Variants in NEGR1 observed in about 807,000 individuals in gnomAD.
NEGR1 encodes IgLON family member 4.
Under a neutral mutation model 40.9 loss-of-function variants are expected in NEGR1, and 10 were observed. The observed-to-expected ratio is 0.24, with a 90% CI of 0.15 to 0.42. The LOEUF (loss-of-function observed/expected upper bound fraction) is 0.42, where lower values mean the gene tolerates loss of function less well. Among genes scored for constraint, NEGR1 ranks in the 10% least tolerant of loss-of-function variants. The probability of loss-of-function intolerance (pLI) is 1.00; values close to 1 mark genes in which losing one functional copy is unlikely to be tolerated. For missense variants in NEGR1, 352 were observed against 438.9 expected (o/e 0.80, Z 1.77); for synonymous variants, 185 against 166.8 (o/e 1.11, Z -0.84).
intron 1 of NEGR1, chr1:72,275,224 C>A (rs1656001327): frequency 1.5e-5 from 9 of 591,312 alleles, no homozygotes; most frequent in South Asian, 1.1e-4. Flanking sequence ...CAAAAAATTT[C>A]TATTATTTAT....
chr1:71,402,874 G>A lies in NEGR1; in HGVS notation c.*4572C>T, dbSNP rs1043536822. ...TCCATGTCTGATACTTGATGTTTCT[G>A]TTTCTGTGATGTAATTTATGCAAGA... On this transcript the variant is annotated 3_prime_UTR_variant, in exon 7 of 7. Transcript: ENST00000357731. 1 of 152,008 alleles carries A rather than the reference G, an allele frequency of 6.6e-6. No individual in the cohort carries two copies. The highest frequency in any genetic ancestry group is 2.4e-5 in the African/African-American group (1 of 41,412). 9.4% of individuals were successfully genotyped at this position (152,008 alleles called of 1,614,324 possible).
At chr1:72,131,367 C>T (rs1650242814) in intron 1 of NEGR1, among the ~76,000 whole-genome samples, 2 of 152,038 alleles carry the variant, frequency 1.3e-5, no homozygotes, top group Non-Finnish European at 1.5e-5. Flanking sequence ...GATATGCACA[C>T]ATACATCAAG....
intron 1 of NEGR1, among the ~76,000 whole-genome samples, chr1:72,271,386 T>C (rs1172168111): frequency 6.6e-6 from 1 of 151,852 alleles, no homozygotes; most frequent in African/African-American, 2.4e-5. Flanking sequence ...TGCTTCCTTA[T>C]AATGCTGAGG....
At chr1:71,469,726 A>G (rs552926799) in intron 6 of NEGR1, among the ~76,000 whole-genome samples, 5 of 152,238 alleles carry the variant, frequency 3.3e-5, no homozygotes, top group African/African-American at 1.2e-4. Flanking sequence ...AGAAGGGTAT[A>G]TCTGGTGAAA....
chr1:71,736,447 T>C (rs1277917441), intron 3 of NEGR1, among the ~76,000 whole-genome samples: 1 of 152,170 alleles, frequency 6.6e-6, no homozygotes, highest in Non-Finnish European at 1.5e-5. Context: ...CCATTTAAAA[T>C]GTATTTTTTC....
intron 3 of NEGR1, 64 bp from the exon 4 acceptor site, chr1:71,698,203 A>G: frequency 7.0e-7 from 1 of 1,437,900 alleles, no homozygotes; most frequent in Non-Finnish European, 9.6e-7. Context: ...GTAAAACAAC[A>G]ATTTCATGAC....
chr1:72,266,791 A>G (rs1266353967), intron 1 of NEGR1, among the ~76,000 whole-genome samples: 1 of 149,096 alleles, frequency 6.7e-6, no homozygotes, highest in Non-Finnish European at 1.5e-5. Flanking sequence ...AAAAAACACC[A>G]TTGAGCTAAA....
intron 6 of NEGR1, among the ~76,000 whole-genome samples, chr1:71,548,359 C>T (rs1647968919): frequency 6.6e-6 from 1 of 151,646 alleles, no homozygotes; most frequent in African/African-American, 2.4e-5. Context: ...TACCTTCACA[C>T]TAAGTGAGGC....
At chr1:71,978,833 C>A (rs1256430060) in intron 1 of NEGR1, among the ~76,000 whole-genome samples, 1 of 151,920 alleles carries the variant, frequency 6.6e-6, no homozygotes, top group African/African-American at 2.4e-5. Flanking sequence ...TGCCATTCAA[C>A]CCACCAATCC....
intron 2 of NEGR1, among the ~76,000 whole-genome samples, chr1:71,905,079 C>G (rs561794775): frequency 7.0e-4 from 106 of 152,170 alleles, no homozygotes; most frequent in African/African-American, 2.4e-3. Flanking sequence ...TTTTCCCCCT[C>G]AATATGTAGC....
At chr1:71,718,914 C>T (rs1276611599) in intron 3 of NEGR1, among the ~76,000 whole-genome samples, 2 of 152,076 alleles carry the variant, frequency 1.3e-5, no homozygotes, top group Non-Finnish European at 2.9e-5. Context: ...ATCCTTCTTA[C>T]AAAACTTCAG....
Position 72,276,752 on chromosome 1 carries a change from T to A in NEGR1, c.176+5567A>T, listed in dbSNP as rs543085395. On this transcript the variant is annotated intron_variant, in intron 1 of 6. Transcript: ENST00000357731. Reference sequence around the variant, plus strand: ...GGCAAAGCAGTCACTCAATCAAATATAATTAAATCACAAAAACTACCACTT... The same window carrying A: ...GGCAAAGCAGTCACTCAATCAAATAAAATTAAATCACAAAAACTACCACTT... 5.9e-5 allele frequency among the ~76,000 whole-genome samples: 9 copies of A among 152,226 alleles called. No homozygotes were observed. In the East Asian group the frequency reaches 1.6e-3, roughly 26 times the overall value.
chr1:71,783,395 T>C (rs1185437784), intron 2 of NEGR1, among the ~76,000 whole-genome samples: 5 of 152,172 alleles, frequency 3.3e-5, no homozygotes, highest in Admixed American at 2.6e-4. Context: ...TTTCTCTAAA[T>C]TGGTTTGCTT....
intron 1 of NEGR1, among the ~76,000 whole-genome samples, chr1:72,049,413 C>T (rs1647036326): frequency 6.6e-6 from 1 of 151,490 alleles, no homozygotes; most frequent in African/African-American, 2.4e-5. Context: ...GATGTTTATC[C>T]AAGGCAGAGA....
At chr1:72,177,173 TTAC>T (rs1401413375) in intron 1 of NEGR1, among the ~76,000 whole-genome samples, 26 of 152,212 alleles carry the variant, frequency 1.7e-4, no homozygotes, top group African/African-American at 6.0e-4. Flanking sequence ...GATACCACTG[TTAC>T]TACTATTTCA....
At chr1:71,903,198 C>T (rs909490987) in intron 2 of NEGR1, among the ~76,000 whole-genome samples, 3 of 151,896 alleles carry the variant, frequency 2.0e-5, no homozygotes, top group Non-Finnish European at 4.4e-5. Context: ...CACCTTTGTA[C>T]CCTGTTCTGG....
intron 4 of NEGR1, among the ~76,000 whole-genome samples, chr1:71,668,383 T>C (rs12077327): frequency 6.6e-6 from 1 of 152,196 alleles, no homozygotes; most frequent in Non-Finnish European, 1.5e-5. Flanking sequence ...GTCATCTTTT[T>C]GTTACTGCCA....
chr1:71,903,345 C>A (rs1421205837), intron 2 of NEGR1, among the ~76,000 whole-genome samples: 1 of 151,836 alleles, frequency 6.6e-6, no homozygotes, highest in Non-Finnish European at 1.5e-5. Flanking sequence ...TCACAAAGTT[C>A]TTCTGCTGTC....
At chr1:71,920,350 A>T (rs1400068058) in intron 2 of NEGR1, among the ~76,000 whole-genome samples, 2 of 152,088 alleles carry the variant, frequency 1.3e-5, no homozygotes, top group Non-Finnish European at 2.9e-5. Context: ...CTCCTCATTG[A>T]GCTCTGAATG....
Sources: gnomAD v4.1 joint callset for allele counts (sites outside exome capture counted in the v4.1 genomes callset) on GRCh38, gnomAD v4.1.1 for gene constraint, MANE v1.5 for transcripts, NCBI Gene and HGNC (gene_info 2026-07-23, HGNC 2026-07-21) for gene names.